CDH18: variants seen among roughly 807,000 people sequenced by gnomAD.
CDH18 encodes cadherin 18.
Under a neutral mutation model 67.9 loss-of-function variants are expected in CDH18, and 31 were observed. That is an observed-to-expected ratio of 0.46 (90% CI 0.34 to 0.62). The LOEUF is 0.62. CDH18 is among the 20% of genes least tolerant of loss of function. The pLI, the probability that CDH18 is intolerant of heterozygous loss-of-function variation, is 0.01. For synonymous variants in CDH18, 362 were observed against 347.2 expected (o/e 1.04, Z -0.48); for missense variants, 890 against 975.5 (o/e 0.91, Z 1.17).
At chr5:19,492,032 C>T (rs550027768) in intron 11 of CDH18, among the ~76,000 whole-genome samples, 4 of 151,266 alleles carry the variant, frequency 2.6e-5, no homozygotes, top group East Asian at 1.9e-4. Context: ...TAATAAAAAC[C>T]GATGTGAGTA....
In CDH18 at chr5:19,755,464, C is replaced by CATATATATAT. The variant is rs55768284; in HGVS notation, c.229-8229_229-8228insATATATATAT. The stretch of plus-strand genomic sequence containing the variant: ...ATATATATATATATATATATACACA[C>CATATATATAT]ACACACACACATACATAGATATATA... On this transcript the variant is annotated intron_variant, in intron 3 of 12. Coordinates refer to ENST00000382275, the MANE Select transcript of CDH18 (RefSeq NM_004934.5). Among the ~76,000 whole-genome samples the CATATATATAT allele has an allele frequency of 7.3e-3, 595 of 81,528 alleles. 28 individuals carry two copies. Among genetic ancestry groups the CATATATATAT allele is most frequent in the Middle Eastern group, 0.016 (2 of 124 alleles). The allele number at this position is 81,528 out of a possible 152,430, so 53.5% of individuals were successfully genotyped here. A position where few individuals can be genotyped will look rare whatever the true frequency, so the allele number is the denominator to read the frequency against.
chr5:19,696,697 A>C (rs903003506), intron 5 of CDH18, among the ~76,000 whole-genome samples: 15 of 152,036 alleles, frequency 9.9e-5, no homozygotes, highest in Non-Finnish European at 1.5e-4. Context: ...CCCAGCCAAA[A>C]ATATTTTTCA....
intron 6 of CDH18, among the ~76,000 whole-genome samples, chr5:19,602,048 G>T (rs1314017335): frequency 6.6e-6 from 1 of 152,072 alleles, no homozygotes; most frequent in Non-Finnish European, 1.5e-5. Flanking sequence ...AACAAAAGAG[G>T]ATGCCTACTT....
chr5:19,894,690 C>G (rs779461614), intron 2 of CDH18, among the ~76,000 whole-genome samples: 1 of 152,074 alleles, frequency 6.6e-6, no homozygotes, highest in Non-Finnish European at 1.5e-5. Context: ...CAGCATTTTA[C>G]AAATGAGTTC....
At position 19,591,041 on chromosome 5, in the gene CDH18, A is replaced by T; in HGVS notation, c.999+16T>A. On this transcript the variant is annotated intron_variant, in intron 7 of 12. Coordinates refer to ENST00000382275, the MANE Select transcript of CDH18 (RefSeq NM_004934.5). ...TGAGTGAGTTGCCTGAATCACAAAAAGTATGTTCTTTTTACCTTCTTTAAA... is the reference window on the plus strand; with the variant it reads ...TGAGTGAGTTGCCTGAATCACAAAATGTATGTTCTTTTTACCTTCTTTAAA... The T allele has an allele frequency of 2.0e-6, 3 of 1,520,668 alleles. No homozygotes were observed. The highest frequency in any genetic ancestry group is 2.7e-6 in the Non-Finnish European group (3 of 1,123,382). 94.2% of individuals were successfully genotyped at this position (1,520,668 alleles called of 1,614,324 possible).
At chr5:19,875,845 C>T (rs1786928704) in intron 2 of CDH18, among the ~76,000 whole-genome samples, 1 of 150,888 alleles carries the variant, frequency 6.6e-6, no homozygotes, top group South Asian at 2.1e-4. Flanking sequence ...CTGGAAGATA[C>T]AAGATTTTAT....
At chr5:19,518,057 C>T (rs447505) in intron 10 of CDH18, among the ~76,000 whole-genome samples, 29,950 of 151,536 alleles carry the variant, frequency 0.2, 3,236 homozygotes, top group African/African-American at 0.25. Flanking sequence ...TGTATGCATC[C>T]ATTTTTAATA....
intron 6 of CDH18, among the ~76,000 whole-genome samples, chr5:19,596,699 A>G (rs1326749333): frequency 6.6e-6 from 1 of 152,238 alleles, no homozygotes; most frequent in Non-Finnish European, 1.5e-5. Flanking sequence ...GTCTTAAAAT[A>G]TGAAACAGAT....
At chr5:20,364,106 T>C (rs541292858) in intron 1 of CDH18, among the ~76,000 whole-genome samples, 44 of 152,286 alleles carry the variant, frequency 2.9e-4, no homozygotes, top group African/African-American at 1.0e-3. Flanking sequence ...GCTTTTATTA[T>C]CGTTAATGTT....
At chr5:20,440,868 A>T (rs1749554898) in intron 1 of CDH18, among the ~76,000 whole-genome samples, 1 of 152,056 alleles carries the variant, frequency 6.6e-6, no homozygotes, top group African/African-American at 2.4e-5. Context: ...GAAATCATAC[A>T]TAGAATTGTT....
At position 19,839,166 on chromosome 5, in the gene CDH18, A is replaced by T. The variant is rs1341660085; in HGVS notation, c.-180T>A. 3.6e-6 allele frequency: 2 copies of T among 561,132 alleles called. No individual in the cohort carries two copies. Among genetic ancestry groups the T allele is most frequent in the Non-Finnish European group, 6.3e-6 (2 of 315,194 alleles). 34.8% of individuals were successfully genotyped at this position (561,132 alleles called of 1,614,324 possible). A position where few individuals can be genotyped will look rare whatever the true frequency, so the allele number is the denominator to read the frequency against. ...AGGTCAGATCATATTTACATTCTGA[A>T]CCACTTGGAAAATCAAAGCCGTAGT... On this transcript the variant is annotated 5_prime_UTR_variant, in exon 3 of 13. Coordinates refer to ENST00000382275, the MANE Select transcript of CDH18 (RefSeq NM_004934.5).
chr5:19,736,329 C>G (rs1768319036), intron 4 of CDH18, among the ~76,000 whole-genome samples: 1 of 151,996 alleles, frequency 6.6e-6, no homozygotes, highest in Non-Finnish European at 1.5e-5. Context: ...TGCAGTGAGC[C>G]ATAATCGTGC....
intron 10 of CDH18, among the ~76,000 whole-genome samples, chr5:19,517,670 T>C (rs936409987): frequency 8.5e-5 from 13 of 152,142 alleles, no homozygotes; most frequent in Admixed American, 2.6e-4. Context: ...TTTGTTTCTC[T>C]TGTTTCTTGA....
intron 4 of CDH18, among the ~76,000 whole-genome samples, chr5:19,740,682 A>T (rs1178578161): frequency 6.6e-6 from 1 of 152,140 alleles, no homozygotes; most frequent in East Asian, 1.9e-4. Context: ...ATTTTTATTC[A>T]TCTTAATTTC....
At chr5:19,995,824 A>G (rs1735967649) in intron 2 of CDH18, among the ~76,000 whole-genome samples, 1 of 152,166 alleles carries the variant, frequency 6.6e-6, no homozygotes, top group East Asian at 1.9e-4. Flanking sequence ...ATTAAAAGAG[A>G]AACTACACCT....
chr5:19,539,176 G>T (rs867524685), intron 9 of CDH18, among the ~76,000 whole-genome samples: 3 of 152,040 alleles, frequency 2.0e-5, no homozygotes, highest in Non-Finnish European at 4.4e-5. Flanking sequence ...TTTATGATTA[G>T]AATTAAATTA....
In CDH18 at chr5:19,551,093, G is replaced by T. The variant is rs923068565; in HGVS notation, c.1254-7088C>A. Among the ~76,000 whole-genome samples the T allele has an allele frequency of 3.3e-5, 5 of 152,190 alleles. No homozygotes were observed. In the East Asian group the frequency reaches 9.6e-4, roughly 29 times the overall value. ...ATAATCTCTGTAAAATTTTGAAGAT[G>T]AGAATGCATAGATTGGGAAAAATGT... On this transcript the variant is annotated intron_variant, in intron 8 of 12. Transcript: ENST00000382275.
chr5:20,240,520 C>G (rs1006360447), intron 2 of CDH18, among the ~76,000 whole-genome samples: 1 of 152,142 alleles, frequency 6.6e-6, no homozygotes, highest in Non-Finnish European at 1.5e-5. Flanking sequence ...AATTTCATTA[C>G]TTCCTTCTTT....
At chr5:20,406,825 T>C (rs1746310597) in intron 1 of CDH18, among the ~76,000 whole-genome samples, 1 of 152,196 alleles carries the variant, frequency 6.6e-6, no homozygotes, top group African/African-American at 2.4e-5. Flanking sequence ...ATAAGTTCCT[T>C]TTGTTAGAAA....
Sources: gnomAD v4.1 joint callset for allele counts (sites outside exome capture counted in the v4.1 genomes callset) on GRCh38, gnomAD v4.1.1 for gene constraint, MANE v1.5 for transcripts, NCBI Gene and HGNC (gene_info 2026-07-23, HGNC 2026-07-21) for gene names.